Variants in CACNA1C observed in about 807,000 individuals in gnomAD.
CACNA1C encodes voltage-dependent L-type calcium channel subunit alpha-1C.
A neutral mutation model predicts 229.0 loss-of-function variants in CACNA1C; 30 were observed. The observed-to-expected ratio is 0.13, with a 90% confidence interval of 0.10 to 0.18. The LOEUF (loss-of-function observed/expected upper bound fraction) is 0.18, where lower values mean the gene tolerates loss of function less well. Ranked by LOEUF, CACNA1C falls within the 10% of genes least tolerant of loss-of-function variation. The probability of loss-of-function intolerance (pLI) is 1.00; values close to 1 mark genes in which losing one functional copy is unlikely to be tolerated. For missense variants in CACNA1C, 1,658 were observed against 2,845.0 expected (o/e 0.58, Z 9.49); for synonymous variants, 1,114 against 1,132.5 (o/e 0.98, Z 0.33).
At chr12:1,986,109 A>T (rs547211922) in intron 1 of CACNA1C, among the ~76,000 whole-genome samples, 3 of 152,222 alleles carry the variant, frequency 2.0e-5, no homozygotes, top group African/African-American at 4.8e-5. Flanking sequence ...CACTGCGCCC[A>T]GCCGTCAGTT....
intron 5 of CACNA1C, among the ~76,000 whole-genome samples, chr12:2,469,205 C>T (rs1468278236): frequency 6.6e-6 from 1 of 152,052 alleles, no homozygotes; most frequent in Non-Finnish European, 1.5e-5. Flanking sequence ...TGGTTCTGTG[C>T]CTCTCACAAA....
At position 2,512,751 on chromosome 12, in the gene CACNA1C, T is replaced by C; in HGVS notation, c.1218-61T>C. ...CCATCTCTCCTTCCATCCTCGACCC[T>C]TCTCGGTGCTCCCTCCTTCTCTGTG... On this transcript the variant is annotated intron_variant, in intron 8 of 46. Transcript: ENST00000399655. This position sits in a 1 kb window ranked among gnomAD's most constrained non-coding sequence, Gnocchi z 4.3. 2 of 1,320,706 alleles carry C rather than the reference T, an allele frequency of 1.5e-6. No individual in the cohort carries two copies. The highest frequency in any genetic ancestry group is 3.0e-5 in the South Asian group (2 of 66,232). 81.8% of individuals were successfully genotyped at this position (1,320,706 alleles called of 1,614,324 possible).
At chr12:2,655,001 G>A (rs1569082425) in intron 33 of CACNA1C, 146 bp from the exon 34 acceptor site, 2 of 627,934 alleles carry the variant, frequency 3.2e-6, no homozygotes, top group South Asian at 3.7e-5. Flanking sequence ...GCAGGTGCCT[G>A]CCAGGTTGCA....
intron 29 of CACNA1C, among the ~76,000 whole-genome samples, chr12:2,625,769 C>T (rs967577478): frequency 1.3e-5 from 2 of 150,438 alleles, no homozygotes; most frequent in East Asian, 1.9e-4. Context: ...TGGGCAAGAC[C>T]CCATCTCTAA....
intron 13 of CACNA1C, among the ~76,000 whole-genome samples, chr12:2,574,769 T>G (rs2057776411): frequency 6.6e-6 from 1 of 152,214 alleles, no homozygotes; most frequent in Admixed American, 6.5e-5. Context: ...GCCTCTGAGC[T>G]CATTGAGGGC....
chr12:2,002,717 G>A (rs907966332), intron 1 of CACNA1C, among the ~76,000 whole-genome samples: 1 of 152,166 alleles, frequency 6.6e-6, no homozygotes, highest in East Asian at 1.9e-4. Flanking sequence ...TACATCCCTG[G>A]TCCTCATCTC....
chr12:2,690,771 C>A, intron 46 of CACNA1C, 129 bp from the exon 47 acceptor site: 1 of 856,386 alleles, frequency 1.2e-6, no homozygotes, highest in Non-Finnish European at 1.8e-6. Context: ...CACACACGTA[C>A]ACGTGCACAC....
At chr12:2,477,629 G>A (rs1477356329) in intron 5 of CACNA1C, among the ~76,000 whole-genome samples, 1 of 152,200 alleles carries the variant, frequency 6.6e-6, no homozygotes, top group Admixed American at 6.5e-5. Context: ...CAAGAGATCA[G>A]CAGGTGGGAG....
intron 9 of CACNA1C, among the ~76,000 whole-genome samples, chr12:2,525,363 A>G (rs1359741150): frequency 6.6e-6 from 1 of 152,116 alleles, no homozygotes; most frequent in Non-Finnish European, 1.5e-5. Flanking sequence ...ATAGGGTCCT[A>G]AGGGCTGGCA....
intron 3 of CACNA1C, among the ~76,000 whole-genome samples, chr12:2,341,549 G>A (rs1264295225): frequency 6.6e-6 from 1 of 152,198 alleles, no homozygotes; most frequent in Non-Finnish European, 1.5e-5. Flanking sequence ...GTGCACACCT[G>A]AGAGGCAGCC....
At chr12:2,148,613 T>C (rs2094942784) in intron 3 of CACNA1C, among the ~76,000 whole-genome samples, 1 of 151,346 alleles carries the variant, frequency 6.6e-6, no homozygotes, top group Non-Finnish European at 1.5e-5. Flanking sequence ...AGTGGCATGA[T>C]CTCGGCTCAC....
intron 3 of CACNA1C, among the ~76,000 whole-genome samples, chr12:2,412,323 C>A (rs112557053): frequency 3.7e-4 from 57 of 152,206 alleles, no homozygotes; most frequent in Admixed American, 1.0e-3. Flanking sequence ...CTTAGAGAAA[C>A]GGGTCAGGCA....
chr12:1,990,527 A>T (rs2039095168), intron 1 of CACNA1C, among the ~76,000 whole-genome samples: 2 of 152,126 alleles, frequency 1.3e-5, no homozygotes, highest in Non-Finnish European at 2.9e-5. Flanking sequence ...CATTCATCCA[A>T]TTCAAGAAAG....
chr12:2,258,661 G>A (rs1401809165), intron 3 of CACNA1C, among the ~76,000 whole-genome samples: 2 of 152,172 alleles, frequency 1.3e-5, no homozygotes, highest in African/African-American at 4.8e-5. Flanking sequence ...CTGTATCAAT[G>A]CTGCCCTTCC....
intron 3 of CACNA1C, among the ~76,000 whole-genome samples, chr12:2,259,716 TC>T (rs2079330135): frequency 6.6e-6 from 1 of 152,226 alleles, no homozygotes; most frequent in Non-Finnish European, 1.5e-5. Flanking sequence ...TTTCATTTTA[TC>T]AGTAAGAATG....
chr12:2,621,112 T>C (rs772959599), intron 29 of CACNA1C, among the ~76,000 whole-genome samples: 1 of 152,202 alleles, frequency 6.6e-6, no homozygotes, highest in Admixed American at 6.5e-5. Flanking sequence ...TTTCCATCTT[T>C]TCTTTCTATA....
At chr12:2,674,432 T>G in intron 38 of CACNA1C, 109 bp from the exon 39 acceptor site, 1 of 1,439,034 alleles carries the variant, frequency 6.9e-7, no homozygotes, top group Non-Finnish European at 9.3e-7. Context: ...AACTGATGAG[T>G]CAGGGTTGCG....
chr12:1,989,372 A>G (rs908903258), intron 1 of CACNA1C, among the ~76,000 whole-genome samples: 1 of 151,794 alleles, frequency 6.6e-6, no homozygotes, highest in Non-Finnish European at 1.5e-5. Context: ...CAGGAGCAGG[A>G]GCAGAGCAAA....
chr12:2,140,523 CCT>C (rs952432091), intron 3 of CACNA1C, among the ~76,000 whole-genome samples: 8 of 151,444 alleles, frequency 5.3e-5, no homozygotes, highest in African/African-American at 1.9e-4. Context: ...CCATCCCAGA[CCT>C]CTCTCTGCTC....
Sources: allele counts gnomAD v4.1 joint callset (sites outside exome capture counted in the v4.1 genomes callset), GRCh38; gene constraint gnomAD v4.1.1; non-coding constraint Gnocchi (gnomAD v3.1); transcripts MANE v1.5; gene names NCBI Gene and HGNC (gene_info 2026-07-23, HGNC 2026-07-21).